HIVEP1: variants seen among roughly 807,000 people sequenced by gnomAD.
HIVEP1 encodes zinc finger protein 40.
In HIVEP1, 36 loss-of-function variants were observed where a neutral mutation model predicts 180.0. The observed-to-expected ratio is 0.20, with a 90% CI of 0.15 to 0.26. The LOEUF is 0.26. Among genes scored for constraint, HIVEP1 ranks in the 10% least tolerant of loss-of-function variants. The pLI is 1.00. For missense variants in HIVEP1, 3,143 were observed against 3,268.7 expected (o/e 0.96, Z 0.94); for synonymous variants, 1,239 against 1,239.0 (o/e 1.00, Z 0.00).
downstream of HIVEP1, among the ~76,000 whole-genome samples, chr6:12,165,915 A>G (rs538867799): frequency 3.6e-4 from 55 of 152,288 alleles, no homozygotes; most frequent in Admixed American, 1.0e-3. Flanking sequence ...CCTTATCTCA[A>G]TTAGGATCTC....
chr6:12,168,313 T>TATATACATATATACGTATATA (rs70981670), downstream of HIVEP1, among the ~76,000 whole-genome samples: 3 of 113,066 alleles, frequency 2.7e-5, no homozygotes, highest in Admixed American at 2.3e-4. Flanking sequence ...ATACATATAT[T>TATATACATATATACGTATATA]ATATACATAT....
chr6:12,080,534 G>T (rs1344429642), intron 2 of HIVEP1, among the ~76,000 whole-genome samples: 1 of 152,126 alleles, frequency 6.6e-6, no homozygotes, highest in Non-Finnish European at 1.5e-5. Context: ...TAACACATTT[G>T]TTGTGTGTCT....
At chr6:12,198,671 G>A in the HIVEP1 span, among the ~76,000 whole-genome samples, 1 of 152,180 alleles carries the variant, frequency 6.6e-6, no homozygotes, top group Non-Finnish European at 1.5e-5. Flanking sequence ...GGAGAGCACA[G>A]TACATGTGAG....
Position 12,125,813 on chromosome 6 carries a change from C to G in HIVEP1, c.6018C>G (p.Thr2006=). 6.2e-7 allele frequency: 1 copy of G among 1,613,494 alleles called. No individual in the cohort carries two copies. The highest frequency in any genetic ancestry group is 8.5e-7 in the Non-Finnish European group (1 of 1,179,708). The change falls in exon 4 of 9, where the codon ACC becomes ACG. Residue 2006 remains threonine (T), a synonymous_variant. Coordinates refer to ENST00000379388, the MANE Select transcript of HIVEP1 (RefSeq NM_002114.4). ...GKSLYCQAIT[T]HSKSDLLVYS... is the part of the protein sequence containing the mutation. ...CACTATACTGTCAAGCAATAACTAC[C>G]CATTCCAAGTCAGACTTATTGGTCT...
intron 7 of HIVEP1, among the ~76,000 whole-genome samples, chr6:12,139,272 TC>T (rs1758870914): frequency 6.6e-6 from 1 of 151,920 alleles, no homozygotes; most frequent in African/African-American, 2.4e-5. Flanking sequence ...GCCACACGGG[TC>T]TCCTGCCTCT....
intron 2 of HIVEP1, among the ~76,000 whole-genome samples, chr6:12,067,493 G>A (rs918648270): frequency 6.8e-6 from 1 of 147,078 alleles, no homozygotes; most frequent in Admixed American, 6.7e-5. Flanking sequence ...AAGTTTTTGA[G>A]CTTGGATTTT....
the HIVEP1 span, among the ~76,000 whole-genome samples, chr6:12,175,142 C>T: frequency 2.0e-5 from 3 of 152,106 alleles, no homozygotes; most frequent in Non-Finnish European, 4.4e-5. Flanking sequence ...CTACATACTG[C>T]AACAATATTA....
chr6:12,049,560 TA>T (rs765638529), intron 2 of HIVEP1, among the ~76,000 whole-genome samples: 23 of 152,240 alleles, frequency 1.5e-4, no homozygotes, highest in Admixed American at 3.9e-4. Flanking sequence ...GGCTCTTAGA[TA>T]TTTAGATTTT....
Position 12,163,688 on chromosome 6 carries a change from A to C in HIVEP1, c.7384A>C (p.Ser2462Arg). 1 of 1,614,144 alleles carries C rather than the reference A, an allele frequency of 6.2e-7. No homozygotes were observed. The highest frequency in any genetic ancestry group is 8.5e-7 in the Non-Finnish European group (1 of 1,180,044). ...CCCTGCTGGAGTGGCTGAATTAAGC[A>C]GTGTTGTGCCATGTATTCCTATCGG... is the stretch of plus-strand genomic sequence containing the variant. ...TNPAGVAELS[S>R]VVPCIPIGQI... is the part of the protein sequence containing the mutation. Residue 2462 changes from serine (S) to arginine (R), a missense_variant, in exon 9 of 9, where the codon AGT (serine) becomes CGT (arginine). Around this residue, in one of 12 missense-constraint regions of HIVEP1, gnomAD observed 595 missense variants for 602.2 expected, o/e 0.99. Transcript: ENST00000379388.
intron 3 of HIVEP1, among the ~76,000 whole-genome samples, chr6:12,093,119 G>A (rs1773582390): frequency 6.6e-6 from 1 of 152,132 alleles, no homozygotes; most frequent in African/African-American, 2.4e-5. Context: ...GTCATAACTC[G>A]AGGTAAGGAG....
At chr6:12,207,880 C>T in the HIVEP1 span, among the ~76,000 whole-genome samples, 1 of 146,916 alleles carries the variant, frequency 6.8e-6, no homozygotes, top group African/African-American at 2.5e-5. Context: ...CACACCACTG[C>T]ACTCCAGCCT....
intron 2 of HIVEP1, among the ~76,000 whole-genome samples, chr6:12,074,351 T>C (rs1318204269): frequency 1.3e-5 from 2 of 152,194 alleles, no homozygotes; most frequent in African/African-American, 4.8e-5. Flanking sequence ...ATATACCTAC[T>C]TTTTAAACTT....
At position 12,130,763 on chromosome 6, in the gene HIVEP1, T is replaced by G. The variant is rs1328450340; in HGVS notation, c.6210-4T>G. 1.3e-6 allele frequency: 2 copies of G among 1,541,796 alleles called. No individual in the cohort carries two copies. Among genetic ancestry groups the G allele is most frequent in the Non-Finnish European group, 1.8e-6 (2 of 1,127,416 alleles). The stretch of plus-strand genomic sequence containing the variant: ...TCCCTATTCATTTTTTTTCTTTAAA[T>G]TAGATATAAGTCAAATGAAGAGTAT... On this transcript the variant is annotated splice_polypyrimidine_tract_variant and splice_region_variant and intron_variant, in intron 5 of 8. Coordinates refer to ENST00000379388, the MANE Select transcript of HIVEP1 (RefSeq NM_002114.4).
At chr6:12,076,048 C>T (rs374604723) in intron 2 of HIVEP1, among the ~76,000 whole-genome samples, 2 of 152,176 alleles carry the variant, frequency 1.3e-5, no homozygotes, top group East Asian at 3.9e-4. Flanking sequence ...CTTTCCAATT[C>T]TCTTCTTGCT....
intron 2 of HIVEP1, among the ~76,000 whole-genome samples, chr6:12,021,035 C>T (rs1483378369): frequency 2.0e-5 from 3 of 151,828 alleles, no homozygotes; most frequent in South Asian, 2.1e-4. Flanking sequence ...GGACTATAGG[C>T]GCCTGCCACC....
At chr6:12,043,198 C>G (rs1769888369) in intron 2 of HIVEP1, among the ~76,000 whole-genome samples, 1 of 152,018 alleles carries the variant, frequency 6.6e-6, no homozygotes, top group Admixed American at 6.6e-5. Context: ...TTAATGTTTA[C>G]TTGAAATACC....
chr6:12,022,140 C>T (rs1340299451), intron 2 of HIVEP1, among the ~76,000 whole-genome samples: 2 of 151,762 alleles, frequency 1.3e-5, no homozygotes, highest in African/African-American at 4.8e-5. Flanking sequence ...TTATTGTTAA[C>T]TTTTGTTTTA....
intron 2 of HIVEP1, among the ~76,000 whole-genome samples, chr6:12,055,052 T>G (rs1770769913): frequency 6.6e-6 from 1 of 152,232 alleles, no homozygotes; most frequent in African/African-American, 2.4e-5. Context: ...TACTGCCTAG[T>G]GGGAAAGTAT....
the HIVEP1 span, among the ~76,000 whole-genome samples, chr6:12,173,850 C>T: frequency 2.0e-4 from 30 of 152,112 alleles, no homozygotes; most frequent in Non-Finnish European, 1.5e-5. Context: ...GCTTTACATT[C>T]CTGGAGATCA....
Sources: gnomAD v4.1 joint callset for allele counts (sites outside exome capture counted in the v4.1 genomes callset) on GRCh38, gnomAD v4.1.1 for gene constraint, gnomAD v4.1.1 regional missense constraint, MANE v1.5 for transcripts, NCBI Gene and HGNC (gene_info 2026-07-23, HGNC 2026-07-21) for gene names.